The following PRKAR2B variants were observed in gnomAD, a reference collection of about 807,000 sequenced individuals.
PRKAR2B encodes the protein cAMP-dependent protein kinase type II-beta regulatory subunit.
Under a neutral mutation model 49.9 loss-of-function variants are expected in PRKAR2B, and 14 were observed. The ratio of observed to expected loss-of-function variants is 0.28; its 90% CI spans 0.19 to 0.44. The LOEUF (loss-of-function observed/expected upper bound fraction) is 0.44. Among genes scored for constraint, PRKAR2B ranks in the 20% least tolerant of loss-of-function variants. The pLI, the probability that PRKAR2B is intolerant of heterozygous loss-of-function variation, is 1.00. For missense variants in PRKAR2B, 393 were observed against 537.9 expected, an observed-to-expected ratio of 0.73 and a Z score of 2.67; for synonymous variants, 196 against 197.7, an observed-to-expected ratio of 0.99 and a Z score of 0.07.
intron 4 of PRKAR2B, among the ~76,000 whole-genome samples, chr7:107,129,695 A>G (rs1475095249): frequency 6.6e-6 from 1 of 152,228 alleles, no homozygotes; most frequent in Non-Finnish European, 1.5e-5. Context: ...CCATAGACAG[A>G]GCAGCCCCGA....
At chr7:107,083,440 G>A (rs117909394) in intron 2 of PRKAR2B, among the ~76,000 whole-genome samples, 3,715 of 152,086 alleles carry the variant, frequency 0.024, 64 homozygotes, top group Middle Eastern at 0.052. Context: ...GTCGAGTGCT[G>A]TTTCTCAACT....
At chr7:107,106,521 A>G (rs756073808) in intron 2 of PRKAR2B, among the ~76,000 whole-genome samples, 7 of 152,212 alleles carry the variant, frequency 4.6e-5, no homozygotes, top group South Asian at 2.1e-4. Context: ...AAACTGACCA[A>G]ATTTCTCCTT....
chr7:107,126,624 C>T (rs1562865133), intron 3 of PRKAR2B, among the ~76,000 whole-genome samples: 1 of 152,030 alleles, frequency 6.6e-6, no homozygotes, highest in Non-Finnish European at 1.5e-5. Flanking sequence ...TTTCTGAGAA[C>T]AGCTTCTCAG....
chr7:107,145,264 A>G (rs1795869843), intron 5 of PRKAR2B, among the ~76,000 whole-genome samples: 3 of 152,314 alleles, frequency 2.0e-5, no homozygotes, highest in South Asian at 4.1e-4. Flanking sequence ...TAAACAAACA[A>G]GAGTGTTTAT....
At chr7:107,069,978 T>C (rs1794231194) in intron 1 of PRKAR2B, 2 of 193,072 alleles carry the variant, frequency 1.0e-5, no homozygotes, top group East Asian at 2.7e-4. Context: ...GCCAAATTGT[T>C]GTTTAAAGGT....
intron 2 of PRKAR2B, among the ~76,000 whole-genome samples, chr7:107,089,418 A>G (rs912713032): frequency 1.3e-5 from 2 of 152,170 alleles, no homozygotes; most frequent in Non-Finnish European, 1.5e-5. Flanking sequence ...CAGGTTCTAC[A>G]TTAGTAGAGT....
rs748163268 is a variant in PRKAR2B at position 107,146,478 on chromosome 7, T to C, written c.741+17T>C. ...TGGGGTTTGGTGAGTAAAATACTTATTTGACCTGAATGTTATGATTTGTAG... is the reference window on the plus strand; with the variant it reads ...TGGGGTTTGGTGAGTAAAATACTTACTTGACCTGAATGTTATGATTTGTAG... On this transcript the variant is annotated intron_variant, in intron 6 of 10. Transcript: ENST00000265717. 1 of 1,606,542 alleles carries C rather than the reference T, an allele frequency of 6.2e-7. No homozygotes were observed. The highest frequency in any genetic ancestry group is 8.5e-7 in the Non-Finnish European group (1 of 1,174,930).
chr7:107,051,941 C>T (rs1793813523), intron 1 of PRKAR2B, among the ~76,000 whole-genome samples: 1 of 151,936 alleles, frequency 6.6e-6, no homozygotes, highest in Non-Finnish European at 1.5e-5. Flanking sequence ...ACAAAATAGT[C>T]CATGGGAGTG....
intron 2 of PRKAR2B, among the ~76,000 whole-genome samples, chr7:107,087,065 A>G (rs372443052): frequency 6.6e-6 from 1 of 152,170 alleles, no homozygotes; most frequent in Non-Finnish European, 1.5e-5. Context: ...TATATGTTCT[A>G]TTATGTGCCT....
chr7:107,047,761 A>G (rs1396604114), intron 1 of PRKAR2B, among the ~76,000 whole-genome samples: 23 of 152,206 alleles, frequency 1.5e-4, no homozygotes, highest in Admixed American at 6.5e-5. Flanking sequence ...AAATTTTCAT[A>G]GATATCTCAA....
At chr7:107,119,701 G>A (rs2115579683) in intron 2 of PRKAR2B, among the ~76,000 whole-genome samples, 1 of 152,256 alleles carries the variant, frequency 6.6e-6, no homozygotes, top group East Asian at 1.9e-4. Context: ...CCCATTTCCT[G>A]CTCACCAAGC....
chr7:107,133,994 C>T (rs1334751191), intron 4 of PRKAR2B, among the ~76,000 whole-genome samples: 2 of 151,790 alleles, frequency 1.3e-5, no homozygotes, highest in Non-Finnish European at 2.9e-5. Context: ...ATTTTGGTGG[C>T]AGCAGAATAG....
chr7:107,136,018 T>C (rs1269534415), intron 4 of PRKAR2B, among the ~76,000 whole-genome samples: 1 of 152,180 alleles, frequency 6.6e-6, no homozygotes, highest in Non-Finnish European at 1.5e-5. Flanking sequence ...GAGAACCCGG[T>C]AACAGCCCCA....
chr7:107,055,016 T>C (rs941821612), intron 1 of PRKAR2B, among the ~76,000 whole-genome samples: 6 of 151,508 alleles, frequency 4.0e-5, no homozygotes, highest in African/African-American at 1.5e-4. Flanking sequence ...CCTGTGTCCA[T>C]GTGTTCTCAT....
intron 1 of PRKAR2B, among the ~76,000 whole-genome samples, chr7:107,047,725 C>G (rs1286709911): frequency 1.3e-5 from 2 of 152,158 alleles, no homozygotes; most frequent in Non-Finnish European, 2.9e-5. Flanking sequence ...TGACACAGCA[C>G]AAGACCTGCT....
At chr7:107,114,324 C>CTGTGTGTGTGTGTGTGTG (rs58110858) in intron 2 of PRKAR2B, among the ~76,000 whole-genome samples, 1 of 130,874 alleles carries the variant, frequency 7.6e-6, no homozygotes, top group Admixed American at 8.0e-5. Flanking sequence ...GCATGTACAG[C>CTGTGTGTGTGTGTGTGTG]TGTGTGTGTG....
At chr7:107,116,732 A>G (rs1273126472) in intron 2 of PRKAR2B, among the ~76,000 whole-genome samples, 2 of 151,900 alleles carry the variant, frequency 1.3e-5, no homozygotes, top group Admixed American at 1.3e-4. Flanking sequence ...CTGTGAATTC[A>G]AATTTAAGAG....
At chr7:107,110,156 C>G (rs1011958196) in intron 2 of PRKAR2B, among the ~76,000 whole-genome samples, 5 of 152,050 alleles carry the variant, frequency 3.3e-5, no homozygotes, top group Non-Finnish European at 7.3e-5. Flanking sequence ...TCAGTAATGC[C>G]CTGTCACAGC....
intron 1 of PRKAR2B, among the ~76,000 whole-genome samples, chr7:107,047,458 A>G (rs1262504118): frequency 5.9e-5 from 9 of 151,782 alleles, no homozygotes; most frequent in Non-Finnish European, 1.0e-4. Context: ...TTTTAAACAC[A>G]TACACCTTCT....
Sources: gnomAD v4.1 joint callset for allele counts (sites outside exome capture counted in the v4.1 genomes callset) on GRCh38, gnomAD v4.1.1 for gene constraint, MANE v1.5 for transcripts, NCBI Gene and HGNC (gene_info 2026-07-23, HGNC 2026-07-21) for gene names.